The following SORBS2 variants were observed in gnomAD, a reference collection of about 807,000 sequenced individuals.
SORBS2 encodes sorbin and SH3 domain-containing protein 2.
SORBS2 carries 46 observed loss-of-function variants against 97.7 expected under a neutral mutation model. The observed-to-expected ratio is 0.47, with a 90% CI of 0.37 to 0.60. SORBS2 has a LOEUF of 0.60. Ranked by LOEUF, SORBS2 falls within the 20% of genes least tolerant of loss-of-function variation. The pLI, the probability that SORBS2 is intolerant of heterozygous loss-of-function variation, is 0.00. For synonymous variants in SORBS2, 476 were observed against 473.4 expected (o/e 1.01, Z -0.07); for missense variants, 1,316 against 1,282.3 (o/e 1.03, Z -0.40).
intron 2 of SORBS2, among the ~76,000 whole-genome samples, chr4:185,739,313 C>T (rs1019511078): frequency 6.6e-6 from 1 of 152,194 alleles, no homozygotes; most frequent in Non-Finnish European, 1.5e-5. Context: ...AATAGCTATA[C>T]ACCTAAAATG....
chr4:185,813,708 C>A (rs984400613), intron 1 of SORBS2, among the ~76,000 whole-genome samples: 7 of 152,216 alleles, frequency 4.6e-5, no homozygotes, highest in African/African-American at 1.7e-4. Context: ...TAACCTCCAT[C>A]CCAATCTGCC....
chr4:185,893,215 G>A (rs900600668), intron 1 of SORBS2, among the ~76,000 whole-genome samples: 1 of 152,222 alleles, frequency 6.6e-6, no homozygotes, highest in Non-Finnish European at 1.5e-5. Flanking sequence ...ATCATACTAG[G>A]AAATGGATTG....
chr4:185,669,078 A>G (rs561851785), intron 4 of SORBS2, among the ~76,000 whole-genome samples: 2 of 152,356 alleles, frequency 1.3e-5, no homozygotes, highest in African/African-American at 4.8e-5. Context: ...TGCTAAAGAG[A>G]GCCTGTGGAT....
At position 185,942,744 on chromosome 4, in the gene SORBS2, A is replaced by G. The variant is rs568242496; in HGVS notation, c.-338+13452T>C. On this transcript the variant is annotated intron_variant, in intron 1 of 20. Transcript: ENST00000284776. ...TGCCCCTTATTTTATCTCCACCCCA[A>G]AATCAGAACTATGGTTCTTGCCTTT... 2.8e-4 allele frequency among the ~76,000 whole-genome samples: 42 copies of G among 152,280 alleles called. 1 individual carries two copies. In the South Asian group the frequency reaches 8.5e-3, roughly 31 times the overall value.
intron 2 of SORBS2, among the ~76,000 whole-genome samples, chr4:185,724,605 G>T (rs2098542691): frequency 6.6e-6 from 1 of 152,122 alleles, no homozygotes; most frequent in Non-Finnish European, 1.5e-5. Context: ...GGCCTCTGCT[G>T]TCTGAGAGGT....
intron 2 of SORBS2, among the ~76,000 whole-genome samples, chr4:185,745,341 A>G (rs1162524764): frequency 2.0e-5 from 3 of 152,212 alleles, no homozygotes; most frequent in Non-Finnish European, 4.4e-5. Context: ...CCCGCAAGTA[A>G]GGAGAGATCA....
chr4:185,657,496 T>C (rs771298778), upstream of SORBS2: 5 of 1,569,740 alleles, frequency 3.2e-6, no homozygotes, highest in South Asian at 1.2e-5. Flanking sequence ...CTTTGATGAC[T>C]GTCACTCTCT....
intron 4 of SORBS2, among the ~76,000 whole-genome samples, chr4:185,675,873 T>A (rs1322887383): frequency 6.6e-6 from 1 of 152,208 alleles, no homozygotes; most frequent in East Asian, 1.9e-4. Context: ...TAATACCAGC[T>A]TGTCCTTTAA....
chr4:185,638,142 A>G, intron 4 of SORBS2: 1 of 1,610,252 alleles, frequency 6.2e-7, no homozygotes, highest in Non-Finnish European at 8.5e-7. Context: ...AATCTATGTC[A>G]TCTGGATTTA....
intron 2 of SORBS2, among the ~76,000 whole-genome samples, chr4:185,679,885 G>T (rs145020751): frequency 1.3e-5 from 2 of 152,144 alleles, no homozygotes; most frequent in South Asian, 4.1e-4. Context: ...TGAGAAATGC[G>T]AGCATCTGAT....
chr4:185,909,611 C>T (rs1579439719), intron 1 of SORBS2, among the ~76,000 whole-genome samples: 1 of 152,050 alleles, frequency 6.6e-6, no homozygotes, highest in Admixed American at 6.6e-5. Flanking sequence ...TCAAGCATTG[C>T]TTTATCATCG....
chr4:185,613,584 G>A (rs539082532), intron 11 of SORBS2, among the ~76,000 whole-genome samples: 1 of 140,086 alleles, frequency 7.1e-6, no homozygotes, highest in East Asian at 2.1e-4. Context: ...GGAGGCAGAG[G>A]TTGCAGTGAG....
intron 1 of SORBS2, among the ~76,000 whole-genome samples, chr4:185,907,419 C>T (rs929079075): frequency 1.3e-5 from 2 of 152,134 alleles, no homozygotes; most frequent in Admixed American, 6.5e-5. Flanking sequence ...AGAAAAAGCT[C>T]GGTTCTCCTG....
At chr4:185,754,125 A>T (rs1447868448) in intron 2 of SORBS2, among the ~76,000 whole-genome samples, 1 of 150,150 alleles carries the variant, frequency 6.7e-6, no homozygotes, top group Non-Finnish European at 1.5e-5. Flanking sequence ...GCCATAAAAA[A>T]GGACAAGATG....
chr4:185,715,805 A>G (rs2098460576), intron 2 of SORBS2, among the ~76,000 whole-genome samples: 1 of 152,254 alleles, frequency 6.6e-6, no homozygotes, highest in Admixed American at 6.5e-5. Context: ...TCATAAAAAA[A>G]GAGTGAAAAC....
chr4:185,714,550 C>G (rs768838926), intron 2 of SORBS2, among the ~76,000 whole-genome samples: 4 of 152,014 alleles, frequency 2.6e-5, no homozygotes, highest in Non-Finnish European at 4.4e-5. Flanking sequence ...GTGTATTAAT[C>G]TGTTCTCGCA....
chr4:185,785,202 T>C (rs2099050356), intron 1 of SORBS2, among the ~76,000 whole-genome samples: 1 of 129,334 alleles, frequency 7.7e-6, no homozygotes, highest in Non-Finnish European at 1.7e-5. Context: ...GGCCATAAGG[T>C]ATTGACTTTG....
At chr4:185,664,377 A>G (rs2097567462) in intron 4 of SORBS2, among the ~76,000 whole-genome samples, 1 of 152,208 alleles carries the variant, frequency 6.6e-6, no homozygotes, top group Non-Finnish European at 1.5e-5. Context: ...AGTCTCCTGT[A>G]AAGTCTTAAA....
intron 1 of SORBS2, among the ~76,000 whole-genome samples, chr4:185,917,510 G>A (rs1241285965): frequency 1.3e-5 from 2 of 152,174 alleles, no homozygotes; most frequent in Non-Finnish European, 2.9e-5. Flanking sequence ...TTATAGGCAT[G>A]AGCCACCACT....
Sources: gnomAD v4.1 joint callset for allele counts (sites outside exome capture counted in the v4.1 genomes callset) on GRCh38, gnomAD v4.1.1 for gene constraint, MANE v1.5 for transcripts, NCBI Gene and HGNC (gene_info 2026-07-23, HGNC 2026-07-21) for gene names.